RAB28: variants seen among roughly 807,000 people sequenced by gnomAD.
RAB28 encodes the protein RAB28, member RAS oncogene family, also known as ras-related protein Rab-28.
A neutral mutation model predicts 31.7 loss-of-function variants in RAB28; 24 were observed. The observed-to-expected ratio is 0.76, with a 90% CI of 0.55 to 1.06. The LOEUF (loss-of-function observed/expected upper bound fraction) is 1.06, where lower values mean the gene tolerates loss of function less well. Ranked by LOEUF, RAB28 falls within the 50% of genes least tolerant of loss-of-function variation. The pLI is 0.00. For missense variants in RAB28, 254 were observed against 258.5 expected (o/e 0.98, Z 0.12); for synonymous variants, 100 against 90.4 (o/e 1.11, Z -0.60).
chr4:13,479,414 C>G lies in RAB28; in HGVS notation c.172+16G>C. ...TTTTTTATAATCTTCTACGTTAAGA[C>G]TTTTTAGTCTCTTACCTGGCAATGT... On this transcript the variant is annotated intron_variant, in intron 2 of 6. Coordinates refer to ENST00000330852, the MANE Select transcript of RAB28 (RefSeq NM_001017979.3). 6.5e-7 allele frequency: 1 copy of G among 1,545,214 alleles called. No homozygotes were observed. Among genetic ancestry groups the G allele is most frequent in the Non-Finnish European group, 8.9e-7 (1 of 1,123,898 alleles).
intron 6 of RAB28, chr4:13,371,162 T>C (rs1728699244): frequency 2.0e-6 from 2 of 985,272 alleles, no homozygotes; most frequent in African/African-American, 3.5e-5. Context: ...ACGAACATAT[T>C]AGCCTTGGGT....
chr4:13,474,569 C>T (rs1716265378), intron 2 of RAB28, among the ~76,000 whole-genome samples, 163 bp from the exon 3 acceptor site: 1 of 151,484 alleles, frequency 6.6e-6, no homozygotes, highest in Non-Finnish European at 1.5e-5. Flanking sequence ...GCGAAAACAA[C>T]GTCAAAAGAA....
intron 4 of RAB28, among the ~76,000 whole-genome samples, chr4:13,390,250 C>A (rs943408602): frequency 6.6e-6 from 1 of 151,974 alleles, no homozygotes; most frequent in Non-Finnish European, 1.5e-5. Flanking sequence ...ACAAGCATTC[C>A]TATACACCAA....
At chr4:13,386,560 A>G (rs890081324) in intron 4 of RAB28, among the ~76,000 whole-genome samples, 28 of 152,288 alleles carry the variant, frequency 1.8e-4, no homozygotes, top group African/African-American at 6.0e-4. Flanking sequence ...ATGAGATACC[A>G]TCACACACTA....
Position 13,484,318 on chromosome 4 carries a change from T to G in RAB28, c.-168A>C. ...GGAGAATCACTCGGCAAGCGCCATC[T>G]TGCCCACCTCCCCGCCCTCTGCGCG... On this transcript the variant is annotated 5_prime_UTR_variant, in exon 1 of 7. Coordinates refer to ENST00000330852, the MANE Select transcript of RAB28 (RefSeq NM_001017979.3). The G allele has an allele frequency of 1.6e-6, 1 of 606,450 alleles. No individual in the cohort carries two copies. Among genetic ancestry groups the G allele is most frequent in the Non-Finnish European group, 3.0e-6 (1 of 330,224 alleles). 37.6% of individuals were successfully genotyped at this position (606,450 alleles called of 1,614,324 possible). A position where few individuals can be genotyped will look rare whatever the true frequency, so the allele number is the denominator to read the frequency against.
At chr4:13,385,187 G>A (rs1443986559) in intron 4 of RAB28, among the ~76,000 whole-genome samples, 1 of 152,160 alleles carries the variant, frequency 6.6e-6, no homozygotes, top group Non-Finnish European at 1.5e-5. Flanking sequence ...AAATCTCTGA[G>A]AAATAGGAGA....
chr4:13,389,542 A>C (rs1471598923), intron 4 of RAB28, among the ~76,000 whole-genome samples: 1 of 152,148 alleles, frequency 6.6e-6, no homozygotes. Flanking sequence ...GAAAATTTCA[A>C]ATTTATACAA....
chr4:13,398,130 C>T (rs1577173379), intron 4 of RAB28, among the ~76,000 whole-genome samples: 1 of 152,150 alleles, frequency 6.6e-6, no homozygotes, highest in Admixed American at 6.6e-5. Flanking sequence ...AATAATAGGT[C>T]TAAAAGCACT....
chr4:13,475,768 A>C (rs1317818828), intron 2 of RAB28, among the ~76,000 whole-genome samples: 2 of 151,582 alleles, frequency 1.3e-5, no homozygotes, highest in African/African-American at 4.8e-5. Context: ...TGAAAACCAA[A>C]ATGTCACAGA....
intron 4 of RAB28, among the ~76,000 whole-genome samples, chr4:13,450,535 C>A (rs1714914324): frequency 1.3e-5 from 2 of 151,802 alleles, no homozygotes. Context: ...CAACAGTCTG[C>A]ATGAAAAGGC....
intron 2 of RAB28, among the ~76,000 whole-genome samples, chr4:13,476,788 T>G (rs1013318450): frequency 1.3e-5 from 2 of 151,402 alleles, no homozygotes; most frequent in African/African-American, 2.4e-5. Context: ...ATAAAGAACA[T>G]TAAGGAAATT....
chr4:13,468,291 T>TC (rs1166313341), intron 3 of RAB28, among the ~76,000 whole-genome samples: 1 of 151,964 alleles, frequency 6.6e-6, no homozygotes, highest in East Asian at 1.9e-4. Flanking sequence ...TACGTACTAT[T>TC]CCCTAGCTCT....
chr4:13,371,054 A>G, intron 6 of RAB28: 4 of 983,796 alleles, frequency 4.1e-6, no homozygotes, highest in Non-Finnish European at 3.6e-6. Context: ...ATTTATTAAG[A>G]TAGAAAAGCA....
chr4:13,471,526 G>A (rs1318280798), intron 3 of RAB28, among the ~76,000 whole-genome samples: 1 of 151,426 alleles, frequency 6.6e-6, no homozygotes, highest in Non-Finnish European at 1.5e-5. Flanking sequence ...TTTATAAACT[G>A]AGTCTCACTC....
At chr4:13,460,926 T>A in intron 3 of RAB28, 98 bp from the exon 4 acceptor site, 1 of 1,153,452 alleles carries the variant, frequency 8.7e-7, no homozygotes. Flanking sequence ...AAAATGGGTA[T>A]AAAAATACAA....
chr4:13,370,763 T>C (rs1313384706), intron 6 of RAB28: 1 of 984,794 alleles, frequency 1.0e-6, no homozygotes, highest in Non-Finnish European at 1.2e-6. Flanking sequence ...CAAAATGCAG[T>C]TGCAGGTCAT....
At chr4:13,412,520 G>A (rs1396465131) in intron 4 of RAB28, among the ~76,000 whole-genome samples, 9 of 152,208 alleles carry the variant, frequency 5.9e-5, no homozygotes, top group Non-Finnish European at 2.9e-5. Flanking sequence ...TCTGTTCTAA[G>A]AGCCTCTTTA....
At chr4:13,383,217 A>G (rs1307030022) in intron 4 of RAB28, among the ~76,000 whole-genome samples, 1 of 152,186 alleles carries the variant, frequency 6.6e-6, no homozygotes, top group Non-Finnish European at 1.5e-5. Flanking sequence ...CAAGAGTAAG[A>G]ACAAATCTTG....
chr4:13,398,557 T>C (rs1035399823), intron 4 of RAB28, among the ~76,000 whole-genome samples: 2 of 152,226 alleles, frequency 1.3e-5, no homozygotes, highest in Middle Eastern at 3.4e-3. Context: ...GATGGGCGGA[T>C]CACGAGGTCA....
Sources: allele counts gnomAD v4.1 joint callset (sites outside exome capture counted in the v4.1 genomes callset), GRCh38; gene constraint gnomAD v4.1.1; transcripts MANE v1.5; gene names NCBI Gene and HGNC (gene_info 2026-07-23, HGNC 2026-07-21).